The following SCGB2B2 variants were observed in gnomAD, a reference collection of about 807,000 sequenced individuals.
SCGB2B2 encodes secretoglobin family 2B member 2, also known as secretoglobin-like protein.
Under a neutral mutation model 7.6 loss-of-function variants are expected in SCGB2B2, and 11 were observed. The observed-to-expected ratio is 1.45, with a 90% CI of 0.91 to 2.40. The LOEUF is 2.40. SCGB2B2 is among the 30% of genes most tolerant of loss of function. SCGB2B2 has a pLI of 0.00. For synonymous variants in SCGB2B2, 50 were observed against 48.6 expected, an observed-to-expected ratio of 1.03 and a Z score of -0.12; for missense variants, 104 against 115.4, an observed-to-expected ratio of 0.90 and a Z score of 0.45.
chr19:34,637,393 G>A (rs115440425), intron 1 of SCGB2B2, among the ~76,000 whole-genome samples: 3,740 of 152,250 alleles, frequency 0.025, 160 homozygotes, highest in African/African-American at 0.084. Context: ...CCACAGCCTG[G>A]CTGTGGGAAG....
intron 1 of SCGB2B2, among the ~76,000 whole-genome samples, chr19:34,655,654 C>T (rs185580936): frequency 6.6e-6 from 1 of 151,466 alleles, no homozygotes; most frequent in Non-Finnish European, 1.5e-5. Flanking sequence ...GATCCTTAGC[C>T]TTCGAAAAAT....
At chr19:34,593,732 G>A (rs1568426694) in intron 3 of SCGB2B2, 133 bp from the exon 4 acceptor site, 3 of 690,702 alleles carry the variant, frequency 4.3e-6, no homozygotes, top group Non-Finnish European at 7.5e-6. Context: ...CCAGGCTCTG[G>A]ACAAAGATGG....
intron 1 of SCGB2B2, among the ~76,000 whole-genome samples, chr19:34,618,255 A>T (rs957789829): frequency 2.6e-5 from 4 of 152,250 alleles, no homozygotes; most frequent in African/African-American, 9.6e-5. Context: ...ATTCTTAATA[A>T]AAGCTTATAA....
downstream of SCGB2B2, among the ~76,000 whole-genome samples, chr19:34,587,939 GGGA>G (rs2065218148): frequency 6.6e-6 from 1 of 152,050 alleles, no homozygotes; most frequent in Non-Finnish European, 1.5e-5. Flanking sequence ...CAGTATTTTG[GGGA>G]GGATGTTTGC....
chr19:34,593,929 C>T (rs1485731436), intron 3 of SCGB2B2, among the ~76,000 whole-genome samples: 1 of 152,046 alleles, frequency 6.6e-6, no homozygotes, highest in Non-Finnish European at 1.5e-5. Context: ...CATGCCTAGG[C>T]CTCTCCCGGG....
At chr19:34,664,308 G>C (rs1163667627) in intron 1 of SCGB2B2, among the ~76,000 whole-genome samples, 3 of 152,204 alleles carry the variant, frequency 2.0e-5, no homozygotes, top group Non-Finnish European at 4.4e-5. Flanking sequence ...TACAGTGGGA[G>C]CCAGTGTGGC....
At chr19:34,632,399 C>T (rs376684421) in intron 1 of SCGB2B2, among the ~76,000 whole-genome samples, 103 of 152,196 alleles carry the variant, frequency 6.8e-4, no homozygotes, top group Middle Eastern at 3.4e-3. Flanking sequence ...TTATTAAGAA[C>T]CCTCAAAACT....
chr19:34,631,674 C>T (rs114168364), intron 1 of SCGB2B2, among the ~76,000 whole-genome samples: 101 of 152,106 alleles, frequency 6.6e-4, no homozygotes, highest in East Asian at 2.1e-3. Flanking sequence ...ATATTGTTAA[C>T]GTTAAAATTC....
intron 1 of SCGB2B2, among the ~76,000 whole-genome samples, chr19:34,663,979 C>T (rs952807176): frequency 1.5e-4 from 22 of 150,396 alleles, no homozygotes; most frequent in African/African-American, 5.2e-4. Flanking sequence ...CCGCCCACCC[C>T]ACCCCTCCCC....
At chr19:34,664,022 A>C (rs1215495834) in intron 1 of SCGB2B2, among the ~76,000 whole-genome samples, 5 of 57,014 alleles carry the variant, frequency 8.8e-5, no homozygotes, top group Non-Finnish European at 9.7e-5. Flanking sequence ...ACTACTCCCC[A>C]CTCAGCACGC....
intron 1 of SCGB2B2, among the ~76,000 whole-genome samples, chr19:34,615,972 A>G (rs1343330065): frequency 6.6e-6 from 1 of 151,578 alleles, no homozygotes. Context: ...GTTTACTGAG[A>G]ATGATGATTT....
intron 1 of SCGB2B2, among the ~76,000 whole-genome samples, chr19:34,626,741 T>C (rs1440087481): frequency 6.6e-6 from 1 of 152,010 alleles, no homozygotes; most frequent in African/African-American, 2.4e-5. Flanking sequence ...ACATTCAAAC[T>C]CAGGAAACAC....
At chr19:34,635,396 G>T in intron 1 of SCGB2B2, 1 of 299,700 alleles carries the variant, frequency 3.3e-6, no homozygotes, top group East Asian at 9.2e-5. Context: ...CAAGGTGGGT[G>T]CTTCTGCTGT....
At chr19:34,622,115 A>G (rs540864602) in intron 1 of SCGB2B2, among the ~76,000 whole-genome samples, 5 of 152,234 alleles carry the variant, frequency 3.3e-5, no homozygotes, top group Non-Finnish European at 5.9e-5. Context: ...CAGTAAAGCC[A>G]CTGCTGTAAC....
At chr19:34,588,376 G>C (rs999359233), downstream of SCGB2B2, among the ~76,000 whole-genome samples, 2 of 152,136 alleles carry the variant, frequency 1.3e-5, no homozygotes, top group Admixed American at 1.3e-4. Context: ...CCTAGCTGAG[G>C]CCCACTTCCT....
At chr19:34,589,667 A>G (rs1436033567), downstream of SCGB2B2, among the ~76,000 whole-genome samples, 2 of 152,082 alleles carry the variant, frequency 1.3e-5, no homozygotes, top group Non-Finnish European at 2.9e-5. Context: ...GCTTGTCATC[A>G]TGGTGACCCT....
At chr19:34,656,346 A>G (rs983479663) in intron 1 of SCGB2B2, among the ~76,000 whole-genome samples, 1 of 151,358 alleles carries the variant, frequency 6.6e-6, no homozygotes, top group Admixed American at 6.6e-5. Flanking sequence ...GCTCATGCCT[A>G]TAGTTCCAGC....
chr19:34,604,577 C>T (rs1369016705), intron 1 of SCGB2B2, among the ~76,000 whole-genome samples: 2 of 152,218 alleles, frequency 1.3e-5, no homozygotes, highest in African/African-American at 4.8e-5. Flanking sequence ...GTTTGTGACA[C>T]AGTAAAAGTG....
At chr19:34,642,884 CTGT>C (rs1422096138) in intron 1 of SCGB2B2, among the ~76,000 whole-genome samples, 1 of 151,972 alleles carries the variant, frequency 6.6e-6, no homozygotes, top group Admixed American at 6.6e-5. Flanking sequence ...GTTAGAATGG[CTGT>C]TATTAAAAGG....
Sources: gnomAD v4.1 joint callset for allele counts (sites outside exome capture counted in the v4.1 genomes callset) on GRCh38, gnomAD v4.1.1 for gene constraint, MANE v1.5 for transcripts, NCBI Gene and HGNC (gene_info 2026-07-23, HGNC 2026-07-21) for gene names.